The following PRKCH variants were observed in gnomAD, a reference collection of about 807,000 sequenced individuals.
PRKCH encodes the protein protein kinase C eta.
Under a neutral mutation model 82.5 loss-of-function variants are expected in PRKCH, and 28 were observed. The ratio of observed to expected loss-of-function variants is 0.34; its 90% CI spans 0.25 to 0.47. PRKCH has a LOEUF of 0.47. PRKCH is among the 20% of genes least tolerant of loss of function. PRKCH has a pLI of 1.00. For missense variants in PRKCH, 705 were observed against 881.8 expected, an observed-to-expected ratio of 0.80 and a Z score of 2.54; for synonymous variants, 322 against 327.4, an observed-to-expected ratio of 0.98 and a Z score of 0.18.
intron 1 of PRKCH, among the ~76,000 whole-genome samples, chr14:61,236,096 C>T (rs923620233): frequency 3.9e-5 from 6 of 152,080 alleles, no homozygotes; most frequent in African/African-American, 1.2e-4. Flanking sequence ...CTCCAAATTC[C>T]GGTGGCTCAC....
intron 2 of PRKCH, among the ~76,000 whole-genome samples, chr14:61,398,836 C>A (rs1317714880): frequency 1.3e-5 from 2 of 152,052 alleles, no homozygotes; most frequent in African/African-American, 4.8e-5. Context: ...GAAAGAGAAC[C>A]AAAGTAACAA....
intron 1 of PRKCH, among the ~76,000 whole-genome samples, chr14:61,270,755 A>G (rs935045372): frequency 3.9e-5 from 6 of 152,208 alleles, no homozygotes; most frequent in African/African-American, 1.2e-4. Flanking sequence ...GGAGGACTGC[A>G]TAAACCCAGG....
chr14:61,440,784 G>A lies in PRKCH; in HGVS notation c.428-2327G>A, dbSNP rs527274052. The stretch of plus-strand genomic sequence containing the variant: ...AGCTGCTTGGGAGGCTGAGGCAGGA[G>A]AATAGCTTGAACCTGGGAGGTGGAG... On this transcript the variant is annotated intron_variant, in intron 2 of 13. Transcript: ENST00000332981. Among the ~76,000 whole-genome samples, 6 of 152,282 alleles carry A rather than the reference G, an allele frequency of 3.9e-5. 1 individual carries two copies. Among genetic ancestry groups the A allele is most frequent in the African/African-American group, 1.4e-4 (6 of 41,570 alleles).
At chr14:61,270,837 G>C (rs537136422) in intron 1 of PRKCH, among the ~76,000 whole-genome samples, 1 of 152,186 alleles carries the variant, frequency 6.6e-6, no homozygotes, top group Non-Finnish European at 1.5e-5. Flanking sequence ...AGCTGGGTGT[G>C]ATGGCATGTG....
At chr14:61,485,759 G>T in intron 10 of PRKCH, 103 bp downstream of exon 10, 1 of 1,395,584 alleles carries the variant, frequency 7.2e-7, no homozygotes, top group Non-Finnish European at 9.6e-7. Context: ...AACCTTTTTT[G>T]GAATTAAATT....
rs1335053986 is a variant in PRKCH, at chr14:61,272,340, C to CTTTTTTT, written c.-19+84675_-19+84676insTTTTTTT. ...TAGATTTCTTTTTCTTTTCTTTTTT[C>CTTTTTTT]TTTCTTTTTTTTTTTTTTTTTTTTT... On this transcript the variant is annotated intron_variant, in intron 1 of 3. Transcript: ENST00000555185. 3.6e-4 allele frequency among the ~76,000 whole-genome samples: 35 copies of CTTTTTTT among 97,832 alleles called. 2 individuals are homozygous for CTTTTTTT. Among genetic ancestry groups the CTTTTTTT allele is most frequent in the Admixed American group, 6.4e-4 (5 of 7,858 alleles). The allele number at this position is 97,832 out of a possible 152,430, so 64.2% of individuals were successfully genotyped here. A position where few individuals can be genotyped will look rare whatever the true frequency, so the allele number is the denominator to read the frequency against.
chr14:61,194,399 T>C (rs1357771665), intron 1 of PRKCH, among the ~76,000 whole-genome samples: 1 of 152,190 alleles, frequency 6.6e-6, no homozygotes, highest in African/African-American at 2.4e-5. Flanking sequence ...GTGATAGCAC[T>C]CTCATGAGTG....
In PRKCH at chr14:61,454,264, T is replaced by C. The variant is rs74665636; in HGVS notation, c.960+911T>C. On this transcript the variant is annotated intron_variant, in intron 7 of 13. Transcript: ENST00000332981. ...AATTACAGGTGCCCACTACCGCGCC[T>C]GGCTGATTTTTGTATTTTTAGTAAG... Among the ~76,000 whole-genome samples, 2,859 of 152,096 alleles carry C rather than the reference T, an allele frequency of 0.019. 195 individuals are homozygous for C. The East Asian group carries it at 0.26, about 14-fold the overall frequency.
At chr14:61,385,712 T>C (rs1347039894) in intron 1 of PRKCH, among the ~76,000 whole-genome samples, 1 of 152,222 alleles carries the variant, frequency 6.6e-6, no homozygotes, top group Non-Finnish European at 1.5e-5. Flanking sequence ...GAGAAAATCA[T>C]GTCCTACATG....
At chr14:61,400,943 C>T (rs1052321411) in intron 2 of PRKCH, among the ~76,000 whole-genome samples, 6 of 152,148 alleles carry the variant, frequency 3.9e-5, no homozygotes, top group African/African-American at 1.4e-4. Context: ...TCTACACCAT[C>T]CAGCTATCTG....
intron 1 of PRKCH, among the ~76,000 whole-genome samples, chr14:61,269,162 A>G (rs1331120504): frequency 6.6e-6 from 1 of 152,194 alleles, no homozygotes; most frequent in African/African-American, 2.4e-5. Context: ...TAAAACTAAC[A>G]TATTTGTGAA....
chr14:61,473,579 T>C (rs150721216), intron 9 of PRKCH, among the ~76,000 whole-genome samples: 4 of 152,330 alleles, frequency 2.6e-5, no homozygotes, highest in Admixed American at 1.3e-4. Flanking sequence ...GAGAATGGAA[T>C]AGCATGAGTT....
intron 1 of PRKCH, among the ~76,000 whole-genome samples, chr14:61,253,959 C>T (rs548801921): frequency 1.8e-3 from 274 of 149,944 alleles, no homozygotes; most frequent in Non-Finnish European, 2.8e-3. Flanking sequence ...ATGTTTCCTT[C>T]CTTCTTCCCT....
At chr14:61,254,546 G>A (rs1390787124) in intron 1 of PRKCH, among the ~76,000 whole-genome samples, 3 of 152,128 alleles carry the variant, frequency 2.0e-5, no homozygotes, top group Non-Finnish European at 4.4e-5. Flanking sequence ...AGCTCGGGAG[G>A]TAGAGGCTGC....
intron 1 of PRKCH, chr14:61,281,147 T>C (rs777477303): frequency 7.4e-7 from 1 of 1,343,684 alleles, no homozygotes; most frequent in South Asian, 2.0e-5. Context: ...CTCCAGGTCA[T>C]GGCGGCCGCG....
At chr14:61,404,995 G>T (rs959950453) in intron 2 of PRKCH, among the ~76,000 whole-genome samples, 1 of 152,314 alleles carries the variant, frequency 6.6e-6, no homozygotes, top group East Asian at 1.9e-4. Flanking sequence ...TATGCTTGCT[G>T]CTGGCTTACC....
chr14:61,375,515 G>T (rs994631558), intron 1 of PRKCH, among the ~76,000 whole-genome samples: 2 of 151,966 alleles, frequency 1.3e-5, no homozygotes, highest in East Asian at 1.9e-4. Context: ...AAGAAAATAG[G>T]TTTAATTGAC....
At chr14:61,536,588 A>C (rs903819215) in intron 12 of PRKCH, among the ~76,000 whole-genome samples, 1 of 152,208 alleles carries the variant, frequency 6.6e-6, no homozygotes. Context: ...TTACCTTTTT[A>C]AATGAAAGGT....
intron 1 of PRKCH, among the ~76,000 whole-genome samples, chr14:61,315,351 C>A (rs990097100): frequency 6.6e-6 from 1 of 152,178 alleles, no homozygotes; most frequent in Non-Finnish European, 1.5e-5. Context: ...AATCTCAGCT[C>A]TACCATGTAT....
Sources: gnomAD v4.1 joint callset for allele counts (sites outside exome capture counted in the v4.1 genomes callset) on GRCh38, gnomAD v4.1.1 for gene constraint, MANE v1.5 for transcripts, NCBI Gene and HGNC (gene_info 2026-07-23, HGNC 2026-07-21) for gene names.